FAM53A: variants seen among roughly 807,000 people sequenced by gnomAD.
The protein encoded by FAM53A is family with sequence similarity 53 member A, also known as protein FAM53A.
In FAM53A, 28 loss-of-function variants were observed where a neutral mutation model predicts 26.6. The observed-to-expected ratio is 1.05, with a 90% CI of 0.78 to 1.45. The LOEUF (loss-of-function observed/expected upper bound fraction) is 1.45, where lower values mean the gene tolerates loss of function less well. FAM53A is among the 40% of genes most tolerant of loss of function. The pLI is 0.00. For synonymous variants in FAM53A, 290 were observed against 253.1 expected (o/e 1.15, Z -1.38); for missense variants, 650 against 575.8 (o/e 1.13, Z -1.32).
intron 1 of FAM53A, among the ~76,000 whole-genome samples, chr4:1,619,693 T>G (rs1322649112): frequency 1.3e-5 from 2 of 152,174 alleles, no homozygotes; most frequent in Non-Finnish European, 2.9e-5. Flanking sequence ...CTTTGTCTTT[T>G]ACTACAGATC....
chr4:1,586,029 A>C, the FAM53A span, among the ~76,000 whole-genome samples: 1 of 152,008 alleles, frequency 6.6e-6, no homozygotes, highest in East Asian at 1.9e-4. Context: ...GAGCCACCTC[A>C]CCCAGCTTCC....
exon 2 of FAM53A, chr4:1,618,011 C>CGTGTGTCACGAATGCTTGGCATA: frequency 2.2e-6 from 1 of 456,258 alleles, no homozygotes; most frequent in Non-Finnish European, 4.4e-6. Flanking sequence ...GGCATAGAGC[C>CGTGTGTCACGAATGCTTGGCATA]GACCAGTGAG....
chr4:1,636,890 G>C (rs929508612), downstream of FAM53A, among the ~76,000 whole-genome samples: 7 of 152,136 alleles, frequency 4.6e-5, no homozygotes, highest in South Asian at 1.5e-3. Flanking sequence ...TTGCTGGGGG[G>C]GGGTCCCATC....
At chr4:1,599,374 T>A in the FAM53A span, among the ~76,000 whole-genome samples, 1 of 152,112 alleles carries the variant, frequency 6.6e-6, no homozygotes, top group Non-Finnish European at 1.5e-5. The surrounding 1 kb of genome is among the most constrained non-coding windows in gnomAD (Gnocchi z 6.1). Context: ...CAGGAGCCCA[T>A]CGGGGGCAGG....
rs1300843475 is a variant in FAM53A, at chr4:1,630,393, G to C, written c.432-12282C>G. On this transcript the variant is annotated intron_variant, in intron 1 of 1. Coordinates refer to the FAM53A transcript ENST00000489029. This position sits in a 1 kb window ranked among gnomAD's most constrained non-coding sequence, Gnocchi z 4.3. Reference sequence around the variant, plus strand: ...ACAGCCAAGGTCTACACAAATGCACGTCGGGGAGTTCCCATCAAACTCTAC... The same window carrying C: ...ACAGCCAAGGTCTACACAAATGCACCTCGGGGAGTTCCCATCAAACTCTAC... Among the ~76,000 whole-genome samples, 3 of 152,242 alleles carry C rather than the reference G, an allele frequency of 2.0e-5. No homozygotes were observed. Among genetic ancestry groups the C allele is most frequent in the Non-Finnish European group, 4.4e-5 (3 of 68,046 alleles).
intron 1 of FAM53A, among the ~76,000 whole-genome samples, chr4:1,623,765 C>T (rs1446497889): frequency 1.3e-5 from 2 of 152,246 alleles, no homozygotes; most frequent in African/African-American, 2.4e-5. Context: ...CCCGGGGCGT[C>T]GGACAGGGCT....
chr4:1,624,430 A>C (rs1715190973), intron 1 of FAM53A, among the ~76,000 whole-genome samples: 1 of 152,186 alleles, frequency 6.6e-6, no homozygotes. Flanking sequence ...CCCGAACCAC[A>C]AATGTGACAG....
intron 1 of FAM53A, among the ~76,000 whole-genome samples, chr4:1,633,514 G>A (rs959238750): frequency 6.6e-6 from 1 of 152,084 alleles, no homozygotes; most frequent in African/African-American, 2.4e-5. Flanking sequence ...CAAAATACTC[G>A]ACACAGGAGG....
chr4:1,626,462 A>G (rs1715308311), intron 1 of FAM53A, among the ~76,000 whole-genome samples: 1 of 152,294 alleles, frequency 6.6e-6, no homozygotes, highest in Non-Finnish European at 1.5e-5. Flanking sequence ...GACCCAGTGT[A>G]GACTCTCAGC....
chr4:1,661,378 C>A (rs1337841532), intron 2 of FAM53A, among the ~76,000 whole-genome samples: 1 of 152,176 alleles, frequency 6.6e-6, no homozygotes, highest in East Asian at 1.9e-4. Flanking sequence ...TTTCCTGATG[C>A]ACTATCGCGA....
At chr4:1,598,326 C>T in the FAM53A span, among the ~76,000 whole-genome samples, 2 of 152,256 alleles carry the variant, frequency 1.3e-5, no homozygotes, top group Non-Finnish European at 2.9e-5. Flanking sequence ...GTGGGGCCAA[C>T]TCCAAACGCT....
the FAM53A span, among the ~76,000 whole-genome samples, chr4:1,602,026 T>G: frequency 3.3e-5 from 2 of 60,428 alleles, no homozygotes; most frequent in Non-Finnish European, 3.2e-5. Flanking sequence ...GGAGGTGGGA[T>G]GGTGGAGGTG....
At chr4:1,617,831 A>C, downstream of FAM53A, 1 of 355,434 alleles carries the variant, frequency 2.8e-6, no homozygotes, top group South Asian at 2.1e-5. Flanking sequence ...AGGACAGCAG[A>C]GCCTCAGGCC....
chr4:1,674,592 C>G (rs1307972510), intron 1 of FAM53A, among the ~76,000 whole-genome samples: 1 of 151,970 alleles, frequency 6.6e-6, no homozygotes, highest in Non-Finnish European at 1.5e-5. Flanking sequence ...TTGCTTGAAC[C>G]CAGGAGGCGG....
chr4:1,574,144 G>A, the FAM53A span: 2 of 152,574 alleles, frequency 1.3e-5, no homozygotes, highest in South Asian at 2.0e-4. Flanking sequence ...TGCCTCCCCC[G>A]CCCCCCTACT....
At chr4:1,644,190 T>C in intron 4 of FAM53A, 3 of 1,535,876 alleles carry the variant, frequency 2.0e-6, no homozygotes, top group Non-Finnish European at 2.6e-6. Flanking sequence ...GCTACGCACC[T>C]TCAGGGGCCA....
At chr4:1,654,930 T>G in intron 4 of FAM53A, 48 bp downstream of exon 4, 1 of 1,481,566 alleles carries the variant, frequency 6.7e-7, no homozygotes, top group East Asian at 2.5e-5. Context: ...AGCACCGCCC[T>G]GTCCAGATCT....
At chr4:1,592,850 C>T in the FAM53A span, among the ~76,000 whole-genome samples, 7 of 152,156 alleles carry the variant, frequency 4.6e-5, no homozygotes, top group South Asian at 2.1e-4. Flanking sequence ...CACCCGCACA[C>T]GCCTGGAGCC....
chr4:1,589,881 A>G, the FAM53A span, among the ~76,000 whole-genome samples: 9 of 152,272 alleles, frequency 5.9e-5, no homozygotes, highest in African/African-American at 1.9e-4. Context: ...AATGTTAAAA[A>G]TGTTTTCTAT....
Sources: allele counts gnomAD v4.1 joint callset (sites outside exome capture counted in the v4.1 genomes callset), GRCh38; gene constraint gnomAD v4.1.1; non-coding constraint Gnocchi (gnomAD v3.1); transcripts MANE v1.5; gene names NCBI Gene and HGNC (gene_info 2026-07-23, HGNC 2026-07-21).